The following TLN2 variants were observed in gnomAD, a reference collection of about 807,000 sequenced individuals.
TLN2 encodes talin 2.
TLN2 carries 118 observed loss-of-function variants against 294.7 expected under a neutral mutation model. The observed-to-expected ratio is 0.40, with a 90% CI of 0.34 to 0.47. TLN2 has a LOEUF of 0.47. Among genes scored for constraint, TLN2 ranks in the 20% least tolerant of loss-of-function variants. The pLI, the probability that TLN2 is intolerant of heterozygous loss-of-function variation, is 0.84. For missense variants in TLN2, 3,083 were observed against 3,282.2 expected (o/e 0.94, Z 1.48); for synonymous variants, 1,431 against 1,304.5 (o/e 1.10, Z -2.09).
intron 2 of TLN2, among the ~76,000 whole-genome samples, chr15:62,590,774 C>G (rs1460748916): frequency 6.6e-6 from 1 of 152,112 alleles, no homozygotes; most frequent in African/African-American, 2.4e-5. Context: ...TTCTGCCGGT[C>G]TTAGTTGATG....
intron 1 of TLN2, among the ~76,000 whole-genome samples, chr15:62,535,276 C>A (rs1051129003): frequency 6.6e-6 from 1 of 152,046 alleles, no homozygotes; most frequent in African/African-American, 2.4e-5. Flanking sequence ...ACTCAGAAAC[C>A]TCCCCAGCAC....
chr15:62,825,817 A>ATAATATATATATTAT (rs1491542725), intron 54 of TLN2, among the ~76,000 whole-genome samples: 2 of 22,250 alleles, frequency 9.0e-5, no homozygotes, highest in African/African-American at 4.1e-4. Context: ...ATTATATTAT[A>ATAATATATATATTAT]ATATATATTA....
At chr15:62,671,778 A>T (rs2055463313) in intron 9 of TLN2, among the ~76,000 whole-genome samples, 1 of 152,164 alleles carries the variant, frequency 6.6e-6, no homozygotes, top group Non-Finnish European at 1.5e-5. Context: ...GAAGAAACTA[A>T]GTTATTTTTA....
At chr15:62,757,599 T>G (rs58134920) in intron 37 of TLN2, among the ~76,000 whole-genome samples, 4,361 of 152,282 alleles carry the variant, frequency 0.029, 194 homozygotes, top group African/African-American at 0.097. Flanking sequence ...TGTTAAGATC[T>G]CATGTTCTTT....
At chr15:62,797,189 C>T in intron 47 of TLN2, 30 bp from the exon 48 acceptor site, 2 of 1,613,054 alleles carry the variant, frequency 1.2e-6, no homozygotes, top group Non-Finnish European at 1.7e-6. Context: ...CTGTCTCTCC[C>T]CCTCTCCCCT....
chr15:62,414,505 C>T (rs2033968646), intron 1 of TLN2, among the ~76,000 whole-genome samples: 1 of 140,102 alleles, frequency 7.1e-6, no homozygotes, highest in African/African-American at 2.5e-5. Context: ...ATTCTCCAAC[C>T]TCACCCCCAA....
At chr15:62,755,487 G>T in intron 36 of TLN2, 45 bp from the exon 37 acceptor site, 1 of 1,602,204 alleles carries the variant, frequency 6.2e-7, no homozygotes. Context: ...GGACCCCTCT[G>T]CACTGTAGCA....
chr15:62,602,971 C>A (rs368176139), intron 2 of TLN2, among the ~76,000 whole-genome samples: 9 of 151,792 alleles, frequency 5.9e-5, no homozygotes, highest in Admixed American at 3.9e-4. Context: ...TGGCTCACTG[C>A]AAACTCTGCC....
intron 19 of TLN2, among the ~76,000 whole-genome samples, chr15:62,703,301 CTA>C (rs572017996): frequency 1.2e-3 from 185 of 152,076 alleles, no homozygotes; most frequent in African/African-American, 4.3e-3. Flanking sequence ...CGGGGTTTCA[CTA>C]TGTTGGTCAG....
At chr15:62,554,520 T>A (rs960663423) in intron 1 of TLN2, among the ~76,000 whole-genome samples, 2 of 151,910 alleles carry the variant, frequency 1.3e-5, no homozygotes, top group Admixed American at 6.6e-5. Flanking sequence ...TCAGGAGAAT[T>A]GTAGAACTTT....
At position 62,628,332 on chromosome 15, in the gene TLN2, C is replaced by T. The variant is rs149269750; in HGVS notation, c.-37+9857C>T. 6.2e-4 allele frequency among the ~76,000 whole-genome samples: 94 copies of T among 152,314 alleles called. 1 individual carries two copies. Among genetic ancestry groups the T allele is most frequent in the African/African-American group, 2.0e-3 (84 of 41,566 alleles). ...TTTAAAGCAGCAGATTCAGATTTCA[C>T]GGTGTAGGCATCCCAGGGTGACTTG... On this transcript the variant is annotated intron_variant, in intron 3 of 58. Transcript: ENST00000636159.
Position 62,809,921 on chromosome 15 carries a change from C to G in TLN2, c.6664-4C>G. 1.2e-6 allele frequency: 2 copies of G among 1,613,926 alleles called. No homozygotes were observed. Among genetic ancestry groups the G allele is most frequent in the Non-Finnish European group, 1.7e-6 (2 of 1,179,860 alleles). ...AAGATTTCAGCATTCCTTTCTCTCTCCAGCAAGCATCCTTCCACCCCGATG... is the reference window on the plus strand; with the variant it reads ...AAGATTTCAGCATTCCTTTCTCTCTGCAGCAAGCATCCTTCCACCCCGATG... On this transcript the variant is annotated splice_polypyrimidine_tract_variant and splice_region_variant and intron_variant, in intron 51 of 58. Transcript: ENST00000636159.
rs2059121756 is a variant in TLN2, at chr15:62,707,095, A to G, written c.2014A>G (p.Met672Val). The change falls in exon 20 of 59, where the codon ATG (methionine) becomes GTG (valine). Residue 672 changes from methionine to valine, a missense_variant. By Grantham distance (21) the Met-to-Val change is conservative (BLOSUM62 1). Transcript: ENST00000636159. ...GATTCCCTTTTCTTAGGATGTTTTA[A>G]TGAGTTTGGCCAAAGCTGTTGCCAA... ...ETDERFQDVL[M>V]SLAKAVANAA... 6.2e-7 allele frequency: 1 copy of G among 1,612,308 alleles called. No homozygotes were observed. The highest frequency in any genetic ancestry group is 1.7e-4 in the Middle Eastern group (1 of 6,054).
At chr15:62,660,685 G>A (rs1431770533) in intron 9 of TLN2, among the ~76,000 whole-genome samples, 1 of 152,088 alleles carries the variant, frequency 6.6e-6, no homozygotes, top group Non-Finnish European at 1.5e-5. Flanking sequence ...AAATGTGTGG[G>A]GTTCATGTGA....
intron 37 of TLN2, among the ~76,000 whole-genome samples, chr15:62,758,995 C>T (rs940811578): frequency 5.9e-5 from 9 of 152,156 alleles, no homozygotes; most frequent in African/African-American, 2.2e-4. Context: ...CCCAGATGTC[C>T]GTGGTATTTT....
At chr15:62,651,279 AT>A in intron 5 of TLN2, among the ~76,000 whole-genome samples, 1 of 152,312 alleles carries the variant, frequency 6.6e-6, no homozygotes, top group East Asian at 1.9e-4. Context: ...ATTGTAAGGC[AT>A]AAGTATGACT....
chr15:62,597,357 C>T (rs528776156), intron 2 of TLN2, among the ~76,000 whole-genome samples: 1 of 152,298 alleles, frequency 6.6e-6, no homozygotes, highest in African/African-American at 2.4e-5. Flanking sequence ...CCCATCGGAA[C>T]CTAGTTGTAG....
intron 52 of TLN2, among the ~76,000 whole-genome samples, chr15:62,810,330 C>T (rs751657842): frequency 1.3e-5 from 2 of 152,146 alleles, no homozygotes; most frequent in Non-Finnish European, 1.5e-5. Context: ...ACAAAGTGGG[C>T]GGGCGGCCAG....
chr15:62,746,612 A>G (rs2061627028), intron 32 of TLN2, among the ~76,000 whole-genome samples: 4 of 152,212 alleles, frequency 2.6e-5, no homozygotes. Flanking sequence ...TTTTCTGTCT[A>G]ATTTGATATT....
Sources: allele counts gnomAD v4.1 joint callset (sites outside exome capture counted in the v4.1 genomes callset), GRCh38; gene constraint gnomAD v4.1.1; transcripts MANE v1.5; gene names NCBI Gene and HGNC (gene_info 2026-07-23, HGNC 2026-07-21).